MED12L: variants seen among roughly 807,000 people sequenced by gnomAD.
The protein encoded by MED12L is mediator of RNA polymerase II transcription subunit 12-like protein.
Under a neutral mutation model 281.3 loss-of-function variants are expected in MED12L, and 60 were observed. The observed-to-expected ratio is 0.21, with a 90% confidence interval of 0.17 to 0.26. The LOEUF (loss-of-function observed/expected upper bound fraction) is 0.26. MED12L is among the 10% of genes least tolerant of loss of function. The pLI is 1.00. For missense variants in MED12L, 2,146 were observed against 2,680.9 expected (o/e 0.80, Z 4.41); for synonymous variants, 974 against 987.2 (o/e 0.99, Z 0.25).
chr3:151,132,242 G>A lies in MED12L; in HGVS notation c.556+4258G>A, dbSNP rs558285104. ...GGAGCTTTGGGCTTTACTTTTATCA[G>A]TGCTGCCACTAAGAGACAAGGTGAT... On this transcript the variant is annotated intron_variant, in intron 5 of 44. Coordinates refer to ENST00000687756, the MANE Select transcript of MED12L (RefSeq NM_001393769.1). 6.7e-4 allele frequency among the ~76,000 whole-genome samples: 102 copies of A among 152,318 alleles called. 1 individual carries two copies. In the South Asian group the frequency reaches 0.014, roughly 21 times the overall value.
chr3:151,213,462 A>C, intron 16 of MED12L: 1 of 1,614,184 alleles, frequency 6.2e-7, no homozygotes, highest in African/African-American at 1.3e-5. Flanking sequence ...ATACATTTGC[A>C]GCAGATAGTA....
chr3:151,380,326 G>A, intron 32 of MED12L, 102 bp downstream of exon 32: 1 of 770,852 alleles, frequency 1.3e-6, no homozygotes, highest in Non-Finnish European at 2.0e-6. Context: ...GCCAGGTGTG[G>A]TGGCTCATGC....
At chr3:151,180,021 T>A (rs1722526421) in intron 11 of MED12L, among the ~76,000 whole-genome samples, 1 of 152,244 alleles carries the variant, frequency 6.6e-6, no homozygotes, top group Non-Finnish European at 1.5e-5. Flanking sequence ...TAGTGGACAT[T>A]GCATTCTTGG....
rs377358951 is a variant in MED12L, at chr3:151,297,933, A to G, written c.2251-52126A>G. ...TCATTCACAAATTTCACATTTAGGC[A>G]GCAAAGCTTAAACAAATTAGTGGTT... On this transcript the variant is annotated intron_variant, in intron 16 of 44. Transcript: ENST00000687756. Among the ~76,000 whole-genome samples the G allele has an allele frequency of 3.4e-4, 52 of 152,230 alleles. 1 individual carries two copies. The highest frequency in any genetic ancestry group is 1.2e-3 in the African/African-American group (50 of 41,524).
chr3:151,166,976 G>T (rs1720805942), intron 11 of MED12L, among the ~76,000 whole-genome samples: 1 of 152,040 alleles, frequency 6.6e-6, no homozygotes. Flanking sequence ...ACCCGGCCGG[G>T]ACCTTAGTCT....
At chr3:151,208,318 A>G (rs74988282) in intron 16 of MED12L, among the ~76,000 whole-genome samples, 8,530 of 152,206 alleles carry the variant, frequency 0.056, 707 homozygotes, top group African/African-American at 0.18. Context: ...TTAGAAAGAT[A>G]ATGGTTGAAA....
chr3:151,430,490 A>G (rs928522934), intron 44 of MED12L, 110 bp downstream of exon 44: 16 of 1,467,928 alleles, frequency 1.1e-5, no homozygotes, highest in East Asian at 2.4e-5. Flanking sequence ...CCTCAGTACA[A>G]TGTTCATGTT....
intron 16 of MED12L, among the ~76,000 whole-genome samples, chr3:151,207,843 G>C (rs1024686636): frequency 1.3e-5 from 2 of 152,210 alleles, no homozygotes; most frequent in African/African-American, 4.8e-5. Context: ...GAGCAGAGGA[G>C]ACTGAGGTTT....
At chr3:151,201,338 A>G (rs1408926248) in intron 16 of MED12L, among the ~76,000 whole-genome samples, 1 of 151,990 alleles carries the variant, frequency 6.6e-6, no homozygotes, top group Non-Finnish European at 1.5e-5. Context: ...TCTCTCTACC[A>G]TCTCTACTTA....
At chr3:151,418,689 C>G (rs1717906182) in intron 43 of MED12L, among the ~76,000 whole-genome samples, 1 of 151,988 alleles carries the variant, frequency 6.6e-6, no homozygotes, top group Admixed American at 6.6e-5. Context: ...ATAGATCTCC[C>G]CACTGTGAAC....
At chr3:151,350,001 T>A in intron 16 of MED12L, 58 bp from the exon 17 acceptor site, 1 of 1,558,328 alleles carries the variant, frequency 6.4e-7, no homozygotes, top group Non-Finnish European at 8.8e-7. Context: ...TTCAGGGATA[T>A]GAAATGCAAC....
At chr3:151,117,414 T>C (rs1228678109) in intron 3 of MED12L, among the ~76,000 whole-genome samples, 2 of 152,168 alleles carry the variant, frequency 1.3e-5, no homozygotes, top group East Asian at 3.9e-4. Context: ...CTTTCTAGGC[T>C]TTCTCAGTGG....
intron 16 of MED12L, among the ~76,000 whole-genome samples, chr3:151,317,160 A>C (rs949801892): frequency 2.6e-5 from 4 of 152,202 alleles, no homozygotes. Flanking sequence ...GAATTCTTTG[A>C]AAATATTATT....
At chr3:151,232,304 C>A (rs1177724042) in intron 16 of MED12L, among the ~76,000 whole-genome samples, 5 of 152,172 alleles carry the variant, frequency 3.3e-5, no homozygotes, top group Non-Finnish European at 5.9e-5. Flanking sequence ...TTTACCCTCC[C>A]ACCAATGTGT....
chr3:151,394,578 A>G, intron 38 of MED12L, 78 bp from the exon 39 acceptor site: 4 of 1,580,580 alleles, frequency 2.5e-6, no homozygotes, highest in Non-Finnish European at 3.4e-6. Flanking sequence ...AGAAGGTGAA[A>G]TTTCTGTGTT....
intron 43 of MED12L, among the ~76,000 whole-genome samples, chr3:151,424,435 A>C (rs1436531384): frequency 6.6e-6 from 1 of 152,152 alleles, no homozygotes; most frequent in African/African-American, 2.4e-5. Flanking sequence ...CCTGGCTAAC[A>C]CGGTGAAACC....
chr3:151,224,233 C>G (rs895847844), intron 16 of MED12L, among the ~76,000 whole-genome samples: 6 of 152,020 alleles, frequency 3.9e-5, no homozygotes, highest in Non-Finnish European at 7.4e-5. Flanking sequence ...AAAGGTACAA[C>G]TTTTATATAT....
chr3:151,115,977 T>C (rs1263330731), intron 2 of MED12L, among the ~76,000 whole-genome samples: 1 of 141,794 alleles, frequency 7.1e-6, no homozygotes, highest in Non-Finnish European at 1.5e-5. Context: ...AAAAGGAGAA[T>C]GGCTTGAACC....
intron 16 of MED12L, among the ~76,000 whole-genome samples, chr3:151,240,061 G>C (rs1245457064): frequency 6.7e-6 from 1 of 150,102 alleles, no homozygotes; most frequent in Non-Finnish European, 1.5e-5. Flanking sequence ...GTGTGTGTGT[G>C]TATGGCCACC....
Sources: allele counts gnomAD v4.1 joint callset (sites outside exome capture counted in the v4.1 genomes callset), GRCh38; gene constraint gnomAD v4.1.1; transcripts MANE v1.5; gene names NCBI Gene and HGNC (gene_info 2026-07-23, HGNC 2026-07-21).